Variants in LINGO2 observed in about 807,000 individuals in gnomAD.
LINGO2 encodes leucine-rich repeat and immunoglobulin-like domain-containing nogo receptor-interacting protein 2.
A neutral mutation model predicts 30.6 loss-of-function variants in LINGO2; 14 were observed. The ratio of observed to expected loss-of-function variants is 0.46; its 90% CI spans 0.30 to 0.72. The LOEUF (loss-of-function observed/expected upper bound fraction) is 0.72, where lower values mean the gene tolerates loss of function less well. LINGO2 is among the 30% of genes least tolerant of loss of function. The pLI is 0.07. For synonymous variants in LINGO2, 317 were observed against 288.5 expected, an observed-to-expected ratio of 1.10 and a Z score of -1.00; for missense variants, 729 against 751.7, an observed-to-expected ratio of 0.97 and a Z score of 0.35.
intron 3 of LINGO2, among the ~76,000 whole-genome samples, chr9:28,366,857 A>C (rs1302625078): frequency 1.3e-5 from 2 of 152,126 alleles, no homozygotes; most frequent in Non-Finnish European, 2.9e-5. Flanking sequence ...TAATAGGAAA[A>C]CATAGTAATA....
the LINGO2 span, among the ~76,000 whole-genome samples, chr9:29,169,589 C>G: frequency 6.6e-6 from 1 of 152,160 alleles, no homozygotes; most frequent in Non-Finnish European, 1.5e-5. Context: ...GATACTATCT[C>G]ACACCAGTCA....
chr9:28,909,647 G>T, the LINGO2 span, among the ~76,000 whole-genome samples: 1 of 152,104 alleles, frequency 6.6e-6, no homozygotes. Context: ...TGCATCTGCT[G>T]AATTCAGTCT....
intron 2 of LINGO2, among the ~76,000 whole-genome samples, chr9:28,392,512 A>G (rs369465608): frequency 6.6e-6 from 1 of 152,190 alleles, no homozygotes. Flanking sequence ...GAAGAGACGC[A>G]TAAGGCAAGG....
At chr9:28,374,107 G>A (rs1821020302) in intron 2 of LINGO2, among the ~76,000 whole-genome samples, 1 of 151,402 alleles carries the variant, frequency 6.6e-6, no homozygotes, top group Non-Finnish European at 1.5e-5. Context: ...ATAGACGAAG[G>A]ACATGAGGCC....
the LINGO2 span, among the ~76,000 whole-genome samples, chr9:29,018,591 T>C: frequency 1.3e-5 from 2 of 152,106 alleles, no homozygotes; most frequent in Non-Finnish European, 2.9e-5. Flanking sequence ...ATTTGGAAGA[T>C]AAAGAAACTG....
intron 2 of LINGO2, among the ~76,000 whole-genome samples, chr9:28,387,085 C>G (rs1821612068): frequency 1.3e-5 from 2 of 152,224 alleles, no homozygotes; most frequent in South Asian, 4.2e-4. Flanking sequence ...TTCTGTCTAG[C>G]TAAAGGTTTG....
At chr9:28,229,950 G>C (rs549298028) in intron 4 of LINGO2, among the ~76,000 whole-genome samples, 41 of 151,800 alleles carry the variant, frequency 2.7e-4, no homozygotes, top group African/African-American at 9.6e-4. Context: ...GAGCTGATTT[G>C]ACCTAAAGGC....
At chr9:28,234,628 G>T (rs907576032) in intron 4 of LINGO2, among the ~76,000 whole-genome samples, 1 of 152,166 alleles carries the variant, frequency 6.6e-6, no homozygotes, top group Admixed American at 6.5e-5. Flanking sequence ...TTTCTCCTCT[G>T]CTGGATGTTT....
intron 4 of LINGO2, among the ~76,000 whole-genome samples, chr9:28,252,881 T>C (rs563840831): frequency 6.6e-6 from 1 of 152,176 alleles, no homozygotes; most frequent in African/African-American, 2.4e-5. Flanking sequence ...AATCATATTG[T>C]AGATTGGCCA....
chr9:28,273,213 A>G (rs1823004106), intron 4 of LINGO2, among the ~76,000 whole-genome samples: 1 of 152,192 alleles, frequency 6.6e-6, no homozygotes, highest in Admixed American at 6.5e-5. Context: ...GTTCCTTAGA[A>G]GAGATTCTTT....
At chr9:28,290,011 G>A (rs1823659129) in intron 4 of LINGO2, among the ~76,000 whole-genome samples, 1 of 152,176 alleles carries the variant, frequency 6.6e-6, no homozygotes, top group Non-Finnish European at 1.5e-5. Context: ...AGGGATGCCA[G>A]GAAGCCATGT....
At chr9:28,491,530 T>C (rs1352085908) in intron 1 of LINGO2, among the ~76,000 whole-genome samples, 1 of 152,224 alleles carries the variant, frequency 6.6e-6, no homozygotes, top group Non-Finnish European at 1.5e-5. Context: ...CTACCACATG[T>C]TCGGAGTAAG....
chr9:28,741,730 G>A, the LINGO2 span, among the ~76,000 whole-genome samples: 1 of 151,880 alleles, frequency 6.6e-6, no homozygotes, highest in Non-Finnish European at 1.5e-5. Context: ...CTTAGTGCCT[G>A]GGGTTGCAAG....
chr9:28,383,903 T>C (rs181963949), intron 2 of LINGO2, among the ~76,000 whole-genome samples: 2 of 152,174 alleles, frequency 1.3e-5, no homozygotes, highest in South Asian at 2.1e-4. Context: ...ATAGAATCCC[T>C]GTGTTAAAAG....
chr9:27,957,879 C>A (rs891448424), intron 5 of LINGO2, among the ~76,000 whole-genome samples: 1 of 152,172 alleles, frequency 6.6e-6, no homozygotes, highest in Non-Finnish European at 1.5e-5. Context: ...TCTTTAATTT[C>A]CTTCAACAAA....
the LINGO2 span, among the ~76,000 whole-genome samples, chr9:29,171,312 C>T: frequency 9.9e-5 from 15 of 152,068 alleles, no homozygotes; most frequent in Non-Finnish European, 1.9e-4. Flanking sequence ...AAGAGATCCT[C>T]TCTGAGAATA....
intron 5 of LINGO2, among the ~76,000 whole-genome samples, chr9:27,998,320 C>T (rs1321480242): frequency 2.6e-5 from 4 of 152,180 alleles, no homozygotes; most frequent in Non-Finnish European, 5.9e-5. Flanking sequence ...ATGCCAACTG[C>T]TCAAAGACCA....
intron 3 of LINGO2, among the ~76,000 whole-genome samples, chr9:28,372,356 C>A (rs970822849): frequency 3.3e-5 from 5 of 152,112 alleles, no homozygotes; most frequent in African/African-American, 1.2e-4. Context: ...TAAATTCTGT[C>A]ATTTATGACA....
chr9:29,040,005 C>A, the LINGO2 span, among the ~76,000 whole-genome samples: 1 of 151,966 alleles, frequency 6.6e-6, no homozygotes, highest in Admixed American at 6.6e-5. Flanking sequence ...TTTTTAGATT[C>A]TAATTTGAAA....
Sources: gnomAD v4.1 joint callset for allele counts (sites outside exome capture counted in the v4.1 genomes callset) on GRCh38, gnomAD v4.1.1 for gene constraint, MANE v1.5 for transcripts, NCBI Gene and HGNC (gene_info 2026-07-23, HGNC 2026-07-21) for gene names.